CDC25B: variants seen among roughly 807,000 people sequenced by gnomAD.
The protein encoded by CDC25B is cell division cycle 25B.
A neutral mutation model predicts 69.8 loss-of-function variants in CDC25B; 33 were observed. That is an observed-to-expected ratio of 0.47 (90% CI 0.36 to 0.63). The LOEUF (loss-of-function observed/expected upper bound fraction) is 0.63. CDC25B is among the 30% of genes least tolerant of loss of function. The pLI is 0.00. For synonymous variants in CDC25B, 341 were observed against 314.6 expected, an observed-to-expected ratio of 1.08 and a Z score of -0.89; for missense variants, 727 against 809.1, an observed-to-expected ratio of 0.90 and a Z score of 1.23.
intron 2 of CDC25B, 22 bp from the exon 3 acceptor site, chr20:3,798,390 C>A: frequency 7.3e-7 from 1 of 1,363,364 alleles, no homozygotes; most frequent in Non-Finnish European, 9.7e-7. Flanking sequence ...TACTTTCAAA[C>A]CAAGGTGCTC....
Position 3,803,117 on chromosome 20 carries a change from C to G in CDC25B, c.1267C>G (p.Leu423Val). The G allele has an allele frequency of 6.2e-7, 1 of 1,613,662 alleles. No individual in the cohort carries two copies. The highest frequency in any genetic ancestry group is 8.5e-7 in the Non-Finnish European group (1 of 1,179,642). The part of the protein sequence containing the change: ...KYISPETMVA[L>V]LTGKFSNIVD... ...CCATGACCTCCTACAGATGGTGGCC[C>G]TATTGACGGGCAAGTTCAGCAACAT... Residue 423 changes from leucine to valine, a missense_variant, in exon 13 of 16, where the codon CTA (leucine) becomes GTA (valine). Around this residue, in one of 2 missense-constraint regions of CDC25B, gnomAD observed 359 missense variants for 463.4 expected, o/e 0.77. Transcript: ENST00000245960. The surrounding 1 kb of genome is among the most constrained non-coding windows in gnomAD (Gnocchi z 4.9).
chr20:3,796,873 G>A, intron 1 of CDC25B, 142 bp downstream of exon 1: 1 of 1,123,282 alleles, frequency 8.9e-7, no homozygotes, highest in Non-Finnish European at 1.2e-6. Context: ...GTACGCCCTT[G>A]TTCCCTCCTA....
exon 1 of CDC25B, chr20:3,786,959 G>GGT (rs1227016523): frequency 2.1e-6 from 1 of 482,334 alleles, no homozygotes; most frequent in African/African-American, 2.0e-5. Context: ...GCGGGGACGC[G>GGT]GTGCATCGCT....
intron 1 of CDC25B, among the ~76,000 whole-genome samples, chr20:3,787,319 A>G (rs2088842240): frequency 6.6e-6 from 1 of 152,136 alleles, no homozygotes; most frequent in African/African-American, 2.4e-5. Flanking sequence ...CATTGCCAAC[A>G]CGCTTTTTAA....
exon 1 of CDC25B, chr20:3,787,107 A>G (rs1161677960): frequency 9.2e-6 from 6 of 649,458 alleles, no homozygotes; most frequent in South Asian, 8.8e-5. Flanking sequence ...GAAGTTGAAA[A>G]ACGCTTTTCA....
chr20:3,792,489 C>T (rs182520548), upstream of CDC25B, among the ~76,000 whole-genome samples: 109 of 151,438 alleles, frequency 7.2e-4, no homozygotes, highest in East Asian at 9.2e-3. Flanking sequence ...GTTTTTGAGA[C>T]GGAGTCTTGC....
In CDC25B at chr20:3,803,303, C is replaced by T; in HGVS notation, c.1356+97C>T. 1 of 1,587,404 alleles carries T rather than the reference C, an allele frequency of 6.3e-7. No individual in the cohort carries two copies. The highest frequency in any genetic ancestry group is 8.6e-7 in the Non-Finnish European group (1 of 1,159,808). ...AATGGGTGGAGGACGGGTGCCCCCT[C>T]TCATGGGGAGGGTTCCTACTAAGAG... On this transcript the variant is annotated intron_variant, in intron 13 of 15. Transcript: ENST00000245960. The surrounding 1 kb of genome is among the most constrained non-coding windows in gnomAD (Gnocchi z 4.9).
Position 3,796,673 on chromosome 20 carries a change from G to C in CDC25B, c.142G>C (p.Ala48Pro). 1 of 1,519,082 alleles carries C rather than the reference G, an allele frequency of 6.6e-7. No individual in the cohort carries two copies. Among genetic ancestry groups the C allele is most frequent in the Non-Finnish European group, 8.7e-7 (1 of 1,143,430 alleles). 94.1% of individuals were successfully genotyped at this position (1,519,082 alleles called of 1,614,324 possible). A position where few individuals can be genotyped will look rare whatever the true frequency, so the allele number is the denominator to read the frequency against. ...GLLGSPVRAAASSPVTTLTQT... is the reference protein window; with the variant it reads ...GLLGSPVRAAPSSPVTTLTQT... ...CCTGGGGTCCCCGGTGCGGGCGGCC[G>C]CTTCCTCGCCGGTCACCACCCTCAC... Residue 48 changes from alanine (A) to proline (P), a missense_variant, in exon 1 of 16, where the codon GCT becomes CCT. By Grantham distance (27) the Ala-to-Pro change is conservative (BLOSUM62 -1). Coordinates refer to ENST00000245960, the MANE Select transcript of CDC25B (RefSeq NM_021873.4).
At chr20:3,792,794 C>G (rs1409338073), upstream of CDC25B, among the ~76,000 whole-genome samples, 1 of 152,112 alleles carries the variant, frequency 6.6e-6, no homozygotes, top group African/African-American at 2.4e-5. Flanking sequence ...CAGGGGCCAC[C>G]ACACCGGGCT....
At chr20:3,804,479 C>T in intron 14 of CDC25B, 90 bp from the exon 15 acceptor site, 1 of 802,478 alleles carries the variant, frequency 1.2e-6, no homozygotes. Context: ...TCCCCAAGGC[C>T]CTCAAAGGAG....
At chr20:3,793,551 T>G (rs1207592639), upstream of CDC25B, among the ~76,000 whole-genome samples, 6 of 144,754 alleles carry the variant, frequency 4.1e-5, no homozygotes, top group Non-Finnish European at 6.0e-5. Flanking sequence ...GATTTCTGTT[T>G]TTTTTTTTTT....
chr20:3,802,662 G>A lies in CDC25B; in HGVS notation c.1195-248G>A, dbSNP rs1291078242. On this transcript the variant is annotated intron_variant, in intron 11 of 15. Coordinates refer to ENST00000245960, the MANE Select transcript of CDC25B (RefSeq NM_021873.4). ...ATGCCTCACCTTCGGGCTTGGCAGA[G>A]GGTAGGGAGCAGAGTGTGGAGTTCA... The A allele has an allele frequency of 9.9e-6, 6 of 603,042 alleles. No homozygotes were observed. In the African/African-American group the frequency reaches 1.1e-4, roughly 11 times the overall value. 37.4% of individuals were successfully genotyped at this position (603,042 alleles called of 1,614,324 possible). A position where few individuals can be genotyped will look rare whatever the true frequency, so the allele number is the denominator to read the frequency against.
At chr20:3,792,735 G>T (rs2088935861), upstream of CDC25B, among the ~76,000 whole-genome samples, 1 of 152,194 alleles carries the variant, frequency 6.6e-6, no homozygotes. Flanking sequence ...CAAAGTGCTG[G>T]GATTACAGGT....
chr20:3,804,928 G>A lies in CDC25B; in HGVS notation c.1710G>A (p.Arg570=). 1 of 1,613,620 alleles carries A rather than the reference G, an allele frequency of 6.2e-7. No homozygotes were observed. The highest frequency in any genetic ancestry group is 8.5e-7 in the Non-Finnish European group (1 of 1,180,018). ...KTRSWAGERS[R]RELCSRLQDQ ...GCAGCTGGGCTGGGGAGCGGAGCCGGCGGGAGCTCTGTAGCCGGCTGCAGG... is the reference window on the plus strand; with the variant it reads ...GCAGCTGGGCTGGGGAGCGGAGCCGACGGGAGCTCTGTAGCCGGCTGCAGG... The change falls in exon 16 of 16, where the codon CGG becomes CGA. Residue 570 remains arginine, a synonymous_variant. Transcript: ENST00000245960.
At position 3,803,566 on chromosome 20, in the gene CDC25B, G is replaced by GT. The variant is rs1555775559; in HGVS notation, c.1490+30dup. 2 of 1,613,324 alleles carry GT rather than the reference G, an allele frequency of 1.2e-6. No homozygotes were observed. The highest frequency in any genetic ancestry group is 3.3e-4 in the Middle Eastern group (2 of 6,060). On this transcript the variant is annotated intron_variant, in intron 14 of 15. Coordinates refer to ENST00000245960, the MANE Select transcript of CDC25B (RefSeq NM_021873.4). This position sits in a 1 kb window ranked among gnomAD's most constrained non-coding sequence, Gnocchi z 4.9. ...AGTCCCAGCTCCGCCCAGCCAGCTAGTGTCTGCCCTGGCCTTCCCTGCCCA... is the reference window on the plus strand; with the variant it reads ...AGTCCCAGCTCCGCCCAGCCAGCTAGTTGTCTGCCCTGGCCTTCCCTGCCCA...
chr20:3,795,372 C>G (rs1340193245), upstream of CDC25B, among the ~76,000 whole-genome samples: 1 of 91,216 alleles, frequency 1.1e-5, no homozygotes, highest in Non-Finnish European at 2.4e-5. Flanking sequence ...AAAAACAAAA[C>G]AAAACAAAAA....
At position 3,804,534 on chromosome 20, in the gene CDC25B, C is replaced by T. The variant is rs758560264; in HGVS notation, c.1491-35C>T. 2.2e-6 allele frequency: 3 copies of T among 1,374,430 alleles called. No individual in the cohort carries two copies. In the East Asian group the frequency reaches 6.9e-5, roughly 31 times the overall value. 85.1% of individuals were successfully genotyped at this position (1,374,430 alleles called of 1,614,324 possible). A position where few individuals can be genotyped will look rare whatever the true frequency, so the allele number is the denominator to read the frequency against. On this transcript the variant is annotated intron_variant, in intron 14 of 15. Transcript: ENST00000245960. ...CCATGATGTACAAGCCACTGCATGC[C>T]CCACTCTGACCACACCCTGCCCATG...
At chr20:3,787,030 GTT>G (rs747272595) in exon 1 of CDC25B, 1,376 of 443,794 alleles carry the variant, frequency 3.1e-3, no homozygotes, top group South Asian at 5.6e-3. Context: ...GTTTTTGTTT[GTT>G]TTTTTTTTTT....
At chr20:3,795,917 C>T (rs2089019314), upstream of CDC25B, 4 of 986,586 alleles carry the variant, frequency 4.1e-6, no homozygotes, top group Non-Finnish European at 4.8e-6. Flanking sequence ...ACCGTACAGC[C>T]CAGCTGGGTT....
Sources: allele counts gnomAD v4.1 joint callset (sites outside exome capture counted in the v4.1 genomes callset), GRCh38; gene constraint gnomAD v4.1.1; regional missense constraint gnomAD v4.1.1; non-coding constraint Gnocchi (gnomAD v3.1); transcripts MANE v1.5; gene names NCBI Gene and HGNC (gene_info 2026-07-23, HGNC 2026-07-21).